Variants in XPC observed in about 807,000 individuals in gnomAD.
XPC encodes XPC complex subunit, DNA damage recognition and repair factor, also known as DNA repair protein complementing XP-C cells.
In XPC, 76 loss-of-function variants were observed where a neutral mutation model predicts 95.8. That is an observed-to-expected ratio of 0.79 (90% confidence interval 0.66 to 0.96). The LOEUF is 0.96. Among genes scored for constraint, XPC ranks in the 40% least tolerant of loss-of-function variants. XPC has a pLI of 0.00. For synonymous variants in XPC, 442 were observed against 442.1 expected (o/e 1.00, Z 0.00); for missense variants, 1,146 against 1,179.8 (o/e 0.97, Z 0.42).
In XPC at chr3:14,156,317, C is replaced by T; in HGVS notation, c.2033+18G>A. 1 of 1,605,354 alleles carries T rather than the reference C, an allele frequency of 6.2e-7. No homozygotes were observed. The highest frequency in any genetic ancestry group is 1.1e-5 in the South Asian group (1 of 90,124). On this transcript the variant is annotated intron_variant, in intron 10 of 15. Coordinates refer to ENST00000285021, the MANE Select transcript of XPC (RefSeq NM_004628.5). ...GCCATCAGGAAGCCCCTGAGGCCAA[C>T]CAGGCTGCCTCACGCACCTGGAGTA...
At chr3:14,170,002 T>C (rs550943725) in intron 3 of XPC, among the ~76,000 whole-genome samples, 1 of 152,340 alleles carries the variant, frequency 6.6e-6, no homozygotes. Context: ...CTACAGCCTA[T>C]ACTGTGAATG....
chr3:14,165,628 C>A lies in XPC; in HGVS notation c.622-43G>T, dbSNP rs766823200. The A allele has an allele frequency of 1.9e-6, 3 of 1,604,060 alleles. No individual in the cohort carries two copies. The South Asian group carries it at 3.3e-5, about 18-fold the overall frequency. On this transcript the variant is annotated intron_variant, in intron 5 of 15. Transcript: ENST00000285021. ...GGAAGGGGCAGCATGGAAGGAAGGC[C>A]GGACACCAGGAGGAATTTTTGCTGC...
rs1282814448 is a variant in XPC, at chr3:14,167,032, A to C, written c.621+137T>G. ...CACTATTACTACCCCCACCTCCCAG[A>C]TGAGGATGCAAAGGCTCAGAGAGAG... On this transcript the variant is annotated intron_variant, in intron 5 of 15. Transcript: ENST00000285021. 4.7e-6 allele frequency: 3 copies of C among 644,356 alleles called. 1 individual carries two copies. The South Asian group carries it at 9.9e-5, about 21-fold the overall frequency. 39.9% of individuals were successfully genotyped at this position (644,356 alleles called of 1,614,324 possible).
Position 14,165,432 on chromosome 3 carries a change from T to C in XPC, c.775A>G (p.Lys259Glu). 2 of 1,591,700 alleles carry C rather than the reference T, an allele frequency of 1.3e-6. No individual in the cohort carries two copies. Among genetic ancestry groups the C allele is most frequent in the South Asian group, 1.1e-5 (1 of 87,430 alleles). ...AGGACAAGCGGAGGGCCTTACCACT[T>C]CACCAGGTTTGAGAGGTAGTAGGTG... ...VDTYYLSNLVKWFIGTFTVNA... is the reference protein window; with the variant it reads ...VDTYYLSNLVEWFIGTFTVNA... The change falls in exon 6 of 16, where the codon AAG becomes GAG. Residue 259 changes from lysine to glutamate, a missense_variant. Lys to Glu is a moderately conservative substitution (Grantham distance 56, BLOSUM62 1). Transcript: ENST00000285021.
At chr3:14,165,764 T>C (rs975072520) in intron 5 of XPC, 179 bp from the exon 6 acceptor site, 5 of 661,884 alleles carry the variant, frequency 7.6e-6, no homozygotes, top group African/African-American at 5.4e-5. Flanking sequence ...CCCTCTCTTT[T>C]TCTCTCTGTA....
intron 11 of XPC, 113 bp from the exon 12 acceptor site, chr3:14,149,061 CACCT>C: frequency 3.5e-6 from 5 of 1,448,350 alleles, no homozygotes; most frequent in Non-Finnish European, 4.7e-6. Context: ...CCTCAGAACA[CACCT>C]ACCAGCTGGG....
chr3:14,147,919 T>C lies in XPC; in HGVS notation c.2503A>G (p.Lys835Glu), dbSNP rs1448582185. ...WENEQAVIERKEKEKKEKRAL... is the reference protein window; with the variant it reads ...WENEQAVIEREEKEKKEKRAL... Reference sequence around the variant, plus strand: ...GCATATGCGCTTACCTCCTTCTCCTTCCTTTCAATGACTGCCTGCTCATTT... The same window carrying C: ...GCATATGCGCTTACCTCCTTCTCCTCCCTTTCAATGACTGCCTGCTCATTT... Residue 835 changes from lysine to glutamate, a missense_variant, in exon 14 of 16, where the codon AAG (lysine) becomes GAG (glutamate). Coordinates refer to ENST00000285021, the MANE Select transcript of XPC (RefSeq NM_004628.5). The C allele has an allele frequency of 2.5e-6, 4 of 1,601,288 alleles. No individual in the cohort carries two copies. In the Admixed American group the frequency reaches 6.9e-5, roughly 27 times the overall value.
intron 1 of XPC, 41 bp downstream of exon 1, chr3:14,178,425 C>G (rs1256233784): frequency 6.4e-7 from 1 of 1,566,264 alleles, no homozygotes; most frequent in East Asian, 2.3e-5. Context: ...CTCCGCCCAC[C>G]GGCGGCGTCT....
In XPC at chr3:14,172,854, GC is replaced by G. The variant is rs1482503060; in HGVS notation, c.299+12del. ...AAATCAAGACCCGAGACAAAGCTTTGCAGACATCTCACCTGAGGTCATCCCC... is the reference window on the plus strand; with the variant it reads ...AAATCAAGACCCGAGACAAAGCTTTGAGACATCTCACCTGAGGTCATCCCC... On this transcript the variant is annotated intron_variant, in intron 2 of 15. Transcript: ENST00000285021. The G allele has an allele frequency of 6.2e-7, 1 of 1,608,472 alleles. No individual in the cohort carries two copies. Among genetic ancestry groups the G allele is most frequent in the South Asian group, 1.1e-5 (1 of 90,080 alleles).
chr3:14,167,039 T>C, intron 5 of XPC, 130 bp downstream of exon 5: 1 of 703,318 alleles, frequency 1.4e-6, no homozygotes, highest in South Asian at 3.1e-5. Context: ...CAGATGAGGA[T>C]GCAAAGGCTC....
At chr3:14,166,956 T>C (rs139228656) in intron 5 of XPC, among the ~76,000 whole-genome samples, 15 of 152,286 alleles carry the variant, frequency 9.8e-5, no homozygotes, top group African/African-American at 2.2e-4. Context: ...ATGCCAGGCA[T>C]TGTGCTGCAA....
At chr3:14,157,112 G>A (rs917627063) in intron 9 of XPC, among the ~76,000 whole-genome samples, 4 of 152,294 alleles carry the variant, frequency 2.6e-5, no homozygotes, top group Non-Finnish European at 5.9e-5. Flanking sequence ...GGGAGAGGAC[G>A]CTGCACGTTC....
rs958970889 is a variant in XPC, at chr3:14,167,537, AG to A, written c.537-285del. On this transcript the variant is annotated intron_variant, in intron 4 of 15. Coordinates refer to ENST00000285021, the MANE Select transcript of XPC (RefSeq NM_004628.5). ...ACATGCCTCAAAGCTCACTTCTTCCAGGAAGTCTTCTCTGGCTGTCCAACTC... is the reference window on the plus strand; with the variant it reads ...ACATGCCTCAAAGCTCACTTCTTCCAGAAGTCTTCTCTGGCTGTCCAACTC... Among the ~76,000 whole-genome samples the A allele has an allele frequency of 2.0e-5, 3 of 152,174 alleles. No individual in the cohort carries two copies. The South Asian group carries it at 6.2e-4, about 31-fold the overall frequency.
chr3:14,164,730 C>G (rs992063829), intron 7 of XPC, 83 bp downstream of exon 7: 6 of 1,440,842 alleles, frequency 4.2e-6, no homozygotes, highest in Non-Finnish European at 4.8e-6. Context: ...GGTAACACAC[C>G]TGGAATGGCA....
Position 14,158,938 on chromosome 3 carries a change from T to C in XPC, c.991-46A>G. On this transcript the variant is annotated intron_variant, in intron 8 of 15. Transcript: ENST00000285021. The surrounding 1 kb of genome is among the most constrained non-coding windows in gnomAD (Gnocchi z 5.2). Reference sequence around the variant, plus strand: ...TTGCTTTTTTTTCTCCCCCCTCTTTTGCTAATGATATGATAGAAATCCTGT... The same window carrying C: ...TTGCTTTTTTTTCTCCCCCCTCTTTCGCTAATGATATGATAGAAATCCTGT... 6.2e-7 allele frequency: 1 copy of C among 1,610,160 alleles called. No homozygotes were observed. The highest frequency in any genetic ancestry group is 8.5e-7 in the Non-Finnish European group (1 of 1,179,032).
intron 5 of XPC, 149 bp downstream of exon 5, chr3:14,167,020 C>T (rs1449235235): frequency 1.4e-5 from 8 of 582,824 alleles, no homozygotes; most frequent in African/African-American, 3.9e-5. Flanking sequence ...TATTACTACC[C>T]CCACCTCCCA....
At chr3:14,171,665 G>A (rs1696618298) in intron 2 of XPC, among the ~76,000 whole-genome samples, 1 of 152,140 alleles carries the variant, frequency 6.6e-6, no homozygotes, top group Admixed American at 6.5e-5. Flanking sequence ...GTGGAACCCT[G>A]TTTCTACTAA....
rs770685744 is a variant in XPC, at chr3:14,146,077, G to A, written c.2687C>T (p.Ala896Val). 6.4e-5 allele frequency: 103 copies of A among 1,612,226 alleles called. No homozygotes were observed. Among genetic ancestry groups the A allele is most frequent in the Non-Finnish European group, 8.2e-5 (97 of 1,179,440 alleles). ...EEEGTSSQAEAARILAASWPQ... is the reference protein window; with the variant it reads ...EEEGTSSQAEVARILAASWPQ... ...CCAGGAGGCAGCCAGTATCCTGGCCGCTTCTGCTTGAGAGCTGGTCCCCTC... is the reference window on the plus strand; with the variant it reads ...CCAGGAGGCAGCCAGTATCCTGGCCACTTCTGCTTGAGAGCTGGTCCCCTC... Residue 896 changes from alanine to valine, a missense_variant, in exon 16 of 16, where the codon GCG becomes GTG. Coordinates refer to ENST00000285021, the MANE Select transcript of XPC (RefSeq NM_004628.5).
At chr3:14,148,024 C>A in intron 13 of XPC, 23 bp from the exon 14 acceptor site, 1 of 1,548,354 alleles carries the variant, frequency 6.5e-7, no homozygotes, top group Non-Finnish European at 8.8e-7. Flanking sequence ...AACGCGATGT[C>A]AACCCTCGAA....
Sources: gnomAD v4.1 joint callset for allele counts (sites outside exome capture counted in the v4.1 genomes callset) on GRCh38, gnomAD v4.1.1 for gene constraint, Gnocchi (gnomAD v3.1) non-coding constraint, MANE v1.5 for transcripts, NCBI Gene and HGNC (gene_info 2026-07-23, HGNC 2026-07-21) for gene names.